The following CNTNAP4 variants were observed in gnomAD, a reference collection of about 807,000 sequenced individuals.
CNTNAP4 encodes the protein contactin associated protein family member 4, also known as contactin-associated protein-like 4.
Under a neutral mutation model 148.4 loss-of-function variants are expected in CNTNAP4, and 98 were observed. The ratio of observed to expected loss-of-function variants is 0.66; its 90% CI spans 0.56 to 0.78. CNTNAP4 has a LOEUF of 0.78. Among genes scored for constraint, CNTNAP4 ranks in the 30% least tolerant of loss-of-function variants. The pLI is 0.00. For missense variants in CNTNAP4, 1,935 were observed against 1,565.6 expected, an observed-to-expected ratio of 1.24 and a Z score of -3.98; for synonymous variants, 730 against 565.1, an observed-to-expected ratio of 1.29 and a Z score of -4.14.
chr16:76,412,987 T>A (rs2078850927), intron 3 of CNTNAP4, among the ~76,000 whole-genome samples: 1 of 151,564 alleles, frequency 6.6e-6, no homozygotes, highest in East Asian at 1.9e-4. Context: ...TCTTTAAAAA[T>A]TTCTTTCTTT....
chr16:76,556,630 A>G (rs938273006), intron 23 of CNTNAP4, among the ~76,000 whole-genome samples: 26 of 152,256 alleles, frequency 1.7e-4, no homozygotes, highest in African/African-American at 4.3e-4. Context: ...CCAGAGGCCT[A>G]TAACTAGCCT....
chr16:76,502,210 G>A (rs966061336), intron 15 of CNTNAP4, among the ~76,000 whole-genome samples: 4 of 152,134 alleles, frequency 2.6e-5, no homozygotes, highest in African/African-American at 9.7e-5. Context: ...TCATCGTCAC[G>A]TGAGGTTATT....
chr16:76,471,866 A>C (rs189030561), intron 10 of CNTNAP4, among the ~76,000 whole-genome samples: 1 of 152,308 alleles, frequency 6.6e-6, no homozygotes, highest in East Asian at 1.9e-4. Flanking sequence ...GGTGGTGACC[A>C]TTATCCTAGC....
At position 76,560,684 on chromosome 16, in the gene CNTNAP4, C is replaced by G. The variant is rs2085380544; in HGVS notation, c.*2001C>G. 6.6e-6 allele frequency among the ~76,000 whole-genome samples: 1 copy of G among 152,172 alleles called. No individual in the cohort carries two copies. On this transcript the variant is annotated 3_prime_UTR_variant, in exon 24 of 24. Transcript: ENST00000611870. ...TGGCATGGAAATGCATTGACACATC[C>G]TATGCCATGACTTTAATTTCCTGAT... is the stretch of plus-strand genomic sequence containing the variant.
intron 1 of CNTNAP4, among the ~76,000 whole-genome samples, chr16:76,303,452 A>G (rs1960183208): frequency 6.6e-6 from 1 of 152,202 alleles, no homozygotes; most frequent in African/African-American, 2.4e-5. Context: ...GACTTACTCA[A>G]TTTTCCCTCC....
At chr16:76,394,543 A>T (rs540726589) in intron 3 of CNTNAP4, among the ~76,000 whole-genome samples, 1 of 152,204 alleles carries the variant, frequency 6.6e-6, no homozygotes, top group Non-Finnish European at 1.5e-5. Flanking sequence ...TCCTAGAGTG[A>T]TGGGATTATG....
chr16:76,378,243 C>T (rs1230235540), intron 3 of CNTNAP4, among the ~76,000 whole-genome samples: 1 of 152,022 alleles, frequency 6.6e-6, no homozygotes. Context: ...ACAATATATC[C>T]ATGTAACAAT....
At chr16:76,398,994 G>C (rs1478391051) in intron 3 of CNTNAP4, among the ~76,000 whole-genome samples, 3 of 152,064 alleles carry the variant, frequency 2.0e-5, no homozygotes, top group African/African-American at 7.2e-5. Context: ...TACTGTTCTT[G>C]TGGTAGTGAA....
At chr16:76,280,067 A>G (rs1958629101) in intron 1 of CNTNAP4, among the ~76,000 whole-genome samples, 1 of 152,226 alleles carries the variant, frequency 6.6e-6, no homozygotes, top group East Asian at 1.9e-4. Context: ...ACTTTATATT[A>G]AGAAAAAGTG....
At chr16:76,344,908 TG>T (rs1208329445) in intron 2 of CNTNAP4, among the ~76,000 whole-genome samples, 1 of 152,226 alleles carries the variant, frequency 6.6e-6, no homozygotes, top group Non-Finnish European at 1.5e-5. Context: ...CACGGTTAGA[TG>T]GGGGCTCCCC....
At chr16:76,530,200 T>G (rs969382482) in intron 17 of CNTNAP4, among the ~76,000 whole-genome samples, 2 of 152,154 alleles carry the variant, frequency 1.3e-5, no homozygotes, top group African/African-American at 4.8e-5. Flanking sequence ...TTATAATATA[T>G]TCCAGATTTT....
chr16:76,520,683 C>G (rs1204779197), intron 15 of CNTNAP4, among the ~76,000 whole-genome samples: 2 of 152,088 alleles, frequency 1.3e-5, no homozygotes, highest in Admixed American at 6.6e-5. Flanking sequence ...GTTTATGTAA[C>G]TCTGTGAAGT....
At chr16:76,557,433 A>G (rs952987061) in intron 23 of CNTNAP4, 1 of 152,206 alleles carries the variant, frequency 6.6e-6, no homozygotes, top group African/African-American at 2.4e-5. Context: ...GGAGACAATG[A>G]TCAGACTTCA....
chr16:76,347,460 A>G (rs1965004231), intron 2 of CNTNAP4, among the ~76,000 whole-genome samples: 1 of 152,152 alleles, frequency 6.6e-6, no homozygotes. Context: ...TAATAAATAT[A>G]ATACATAAAC....
chr16:76,482,235 T>A (rs2081860350), intron 12 of CNTNAP4, among the ~76,000 whole-genome samples: 1 of 152,078 alleles, frequency 6.6e-6, no homozygotes, highest in African/African-American at 2.4e-5. Context: ...CAGGACTGAT[T>A]GTACAAGATA....
intron 3 of CNTNAP4, among the ~76,000 whole-genome samples, chr16:76,421,208 A>C (rs1225000645): frequency 3.3e-5 from 5 of 152,076 alleles, no homozygotes; most frequent in African/African-American, 7.2e-5. Context: ...AAGGGGTCTC[A>C]TCAAGTTATC....
At chr16:76,462,594 C>G (rs576618591) in intron 9 of CNTNAP4, among the ~76,000 whole-genome samples, 1 of 152,308 alleles carries the variant, frequency 6.6e-6, no homozygotes, top group East Asian at 1.9e-4. Context: ...TGCACTGATA[C>G]ATTTGATGAA....
intron 17 of CNTNAP4, among the ~76,000 whole-genome samples, chr16:76,531,717 C>A (rs1391153181): frequency 1.3e-5 from 2 of 152,138 alleles, no homozygotes; most frequent in Non-Finnish European, 1.5e-5. Context: ...TTTACATTAG[C>A]CACGTTTTTC....
intron 14 of CNTNAP4, among the ~76,000 whole-genome samples, chr16:76,496,107 G>GTGTGTGTGTGTGTGTGTA (rs1555576715): frequency 0.1 from 15,244 of 151,042 alleles, 911 homozygotes; most frequent in East Asian, 0.18. Flanking sequence ...GTGTGTGTGT[G>GTGTGTGTGTGTGTGTGTA]CGTGTATTTC....
Sources: gnomAD v4.1 joint callset for allele counts (sites outside exome capture counted in the v4.1 genomes callset) on GRCh38, gnomAD v4.1.1 for gene constraint, MANE v1.5 for transcripts, NCBI Gene and HGNC (gene_info 2026-07-23, HGNC 2026-07-21) for gene names.